Variants in BDKRB1 observed in about 807,000 individuals in gnomAD.
The protein encoded by BDKRB1 is bradykinin receptor B1, also known as B1 bradykinin receptor.
For synonymous variants in BDKRB1, 192 were observed against 189.1 expected (o/e 1.02, Z -0.13); for missense variants, 414 against 441.4 (o/e 0.94, Z 0.56).
chr14:96,257,565 G>A (rs1885644663), intron 1 of BDKRB1, among the ~76,000 whole-genome samples: 1 of 152,092 alleles, frequency 6.6e-6, no homozygotes, highest in African/African-American at 2.4e-5. Flanking sequence ...AACCATATCA[G>A]TGCTCAACAC....
At chr14:96,257,582 A>G (rs1467567641) in intron 1 of BDKRB1, among the ~76,000 whole-genome samples, 4 of 152,088 alleles carry the variant, frequency 2.6e-5, no homozygotes, top group African/African-American at 7.2e-5. Flanking sequence ...ACACCCTCCC[A>G]TCTCTTCTCA....
Position 96,264,605 on chromosome 14 carries a change from A to T in BDKRB1, c.923A>T (p.Asn308Ile). The T allele has an allele frequency of 6.2e-7, 1 of 1,614,194 alleles. No individual in the cohort carries two copies. The highest frequency in any genetic ancestry group is 1.1e-5 in the South Asian group (1 of 91,076). Residue 308 changes from asparagine to isoleucine, a missense_variant, in exon 3 of 3, where the codon AAT becomes ATT. By Grantham distance (149) the Asn-to-Ile change is moderately radical (BLOSUM62 -3). Coordinates refer to ENST00000216629, the MANE Select transcript of BDKRB1 (RefSeq NM_000710.4). ...NFFAFTNSSL[N>I]PVIYVFVGRL... ...TTTGCCTTCACTAACAGCTCCCTGA[A>T]TCCAGTAATTTATGTCTTTGTGGGC... is the stretch of plus-strand genomic sequence containing the variant.
Position 96,264,060 on chromosome 14 carries a change from C to T in BDKRB1, c.378C>T (p.Phe126=). The T allele has an allele frequency of 6.2e-7, 1 of 1,612,552 alleles. No homozygotes were observed. Among genetic ancestry groups the T allele is most frequent in the Non-Finnish European group, 8.5e-7 (1 of 1,179,208 alleles). ...VIKANLFISI[F]LVVAISQDRY... ...AGGCCAATTTGTTCATCAGCATCTT[C>T]CTGGTGGTGGCCATCAGCCAGGACC... Residue 126 remains phenylalanine, a synonymous_variant, in exon 3 of 3, where the codon TTC becomes TTT. Transcript: ENST00000216629.
rs750696339 is a variant in BDKRB1 at position 96,264,428 on chromosome 14, C to G, written c.746C>G (p.Thr249Arg). 4.3e-6 allele frequency: 7 copies of G among 1,614,228 alleles called. No individual in the cohort carries two copies. The highest frequency in any genetic ancestry group is 4.2e-6 in the Non-Finnish European group (5 of 1,180,044). ...RCGGRKDSKT[T>R]ALILTLVVAF... ...GGGGGCCGCAAGGATAGCAAGACCACAGCGCTGATCCTCACGCTCGTGGTT... is the reference window on the plus strand; with the variant it reads ...GGGGGCCGCAAGGATAGCAAGACCAGAGCGCTGATCCTCACGCTCGTGGTT... Residue 249 changes from threonine to arginine, a missense_variant, in exon 3 of 3, where the codon ACA becomes AGA. Coordinates refer to ENST00000216629, the MANE Select transcript of BDKRB1 (RefSeq NM_000710.4).
In BDKRB1 at chr14:96,263,812, A is replaced by G. The variant is rs1465107715; in HGVS notation, c.130A>G (p.Ile44Val). Reference protein sequence around the residue: ...DLLHRVLPTFIISICFFGLLG... With the variant: ...DLLHRVLPTFVISICFFGLLG... ...GCTGCACAGAGTGCTGCCAACATTT[A>G]TCATCTCCATCTGTTTCTTCGGCCT... Residue 44 changes from isoleucine (I) to valine (V), a missense_variant, in exon 3 of 3, where the codon ATC becomes GTC. Transcript: ENST00000216629. 12 of 1,614,080 alleles carry G rather than the reference A, an allele frequency of 7.4e-6. No homozygotes were observed. The highest frequency in any genetic ancestry group is 1.6e-4 in the Middle Eastern group (1 of 6,084).
At chr14:96,260,014 C>A (rs372525771) in intron 1 of BDKRB1, 14 of 145,432 alleles carry the variant, frequency 9.6e-5, no homozygotes, top group Middle Eastern at 3.4e-3. Flanking sequence ...AGAACCGTGT[C>A]TTAGGGTGCA....
chr14:96,258,827 C>A (rs7159218), intron 1 of BDKRB1, among the ~76,000 whole-genome samples: 1 of 151,798 alleles, frequency 6.6e-6, no homozygotes, highest in South Asian at 2.1e-4. Context: ...CCAGCCCACA[C>A]GTATTTTTTT....
At chr14:96,260,991 C>G (rs1311605712) in intron 1 of BDKRB1, among the ~76,000 whole-genome samples, 1 of 151,962 alleles carries the variant, frequency 6.6e-6, no homozygotes, top group East Asian at 1.9e-4. Flanking sequence ...CCACCCCCCA[C>G]AAAAAAAACT....
At position 96,264,426 on chromosome 14, in the gene BDKRB1, C is replaced by G. The variant is rs757606075; in HGVS notation, c.744C>G (p.Thr248=). ...TRCGGRKDSK[T]TALILTLVVA... ...GCGGGGGCCGCAAGGATAGCAAGAC[C>G]ACAGCGCTGATCCTCACGCTCGTGG... Residue 248 remains threonine, a synonymous_variant, in exon 3 of 3, where the codon ACC becomes ACG. Coordinates refer to ENST00000216629, the MANE Select transcript of BDKRB1 (RefSeq NM_000710.4). 5 of 1,614,084 alleles carry G rather than the reference C, an allele frequency of 3.1e-6. No homozygotes were observed. The highest frequency in any genetic ancestry group is 4.2e-6 in the Non-Finnish European group (5 of 1,180,044).
chr14:96,256,340 T>C (rs1885617423), intron 1 of BDKRB1, 40 bp downstream of exon 1: 1 of 151,748 alleles, frequency 6.6e-6, no homozygotes, highest in Admixed American at 6.6e-5. Context: ...TTTATGAGAG[T>C]ACAATATGAG....
At chr14:96,261,833 T>G (rs1005552918) in intron 1 of BDKRB1, among the ~76,000 whole-genome samples, 1 of 152,246 alleles carries the variant, frequency 6.6e-6, no homozygotes, top group Non-Finnish European at 1.5e-5. Context: ...GATAGTATTC[T>G]GTGGATCCCT....
intron 1 of BDKRB1, among the ~76,000 whole-genome samples, chr14:96,257,219 G>A (rs375522190): frequency 1.1e-4 from 16 of 152,154 alleles, no homozygotes; most frequent in African/African-American, 2.7e-4. Flanking sequence ...GGATGGGGGC[G>A]GTGTCCACTG....
rs145455564 is a variant in BDKRB1 at position 96,262,589 on chromosome 14, TTC to T, written c.-129-48_-129-47del. The T allele has an allele frequency of 1.4e-4, 56 of 401,542 alleles. 1 individual carries two copies. The highest frequency in any genetic ancestry group is 1.7e-3 in the Middle Eastern group (2 of 1,182). 24.9% of individuals were successfully genotyped at this position (401,542 alleles called of 1,614,324 possible). ...CATGCTTTCCTTTCTCTTTTTTCTT[TTC>T]TCTCTCTCTCTCTCCTTTTTTTTTT... On this transcript the variant is annotated intron_variant, in intron 1 of 2. Transcript: ENST00000216629.
chr14:96,261,605 CTG>C (rs1415445660), intron 1 of BDKRB1, among the ~76,000 whole-genome samples: 1 of 152,214 alleles, frequency 6.6e-6, no homozygotes, highest in Non-Finnish European at 1.5e-5. Context: ...TTGTTGGTAT[CTG>C]TGAGGCTTTG....
chr14:96,260,154 G>T (rs907233865), intron 1 of BDKRB1, among the ~76,000 whole-genome samples: 6 of 151,852 alleles, frequency 4.0e-5, no homozygotes. Flanking sequence ...CTCCCAAGTA[G>T]CTGGAATTAC....
At position 96,262,787 on chromosome 14, in the gene BDKRB1, C is replaced by G. The variant is rs1425121907; in HGVS notation, c.-11+17C>G. ...GGACCACAGGTATGCACCACCATGCCCAGCTAATTTTTGTATTTTTTGTAA... is the reference window on the plus strand; with the variant it reads ...GGACCACAGGTATGCACCACCATGCGCAGCTAATTTTTGTATTTTTTGTAA... On this transcript the variant is annotated intron_variant, in intron 2 of 2. Transcript: ENST00000216629. The G allele has an allele frequency of 2.6e-6, 1 of 386,384 alleles. No individual in the cohort carries two copies. The highest frequency in any genetic ancestry group is 5.0e-6 in the Non-Finnish European group (1 of 199,808). 23.9% of individuals were successfully genotyped at this position (386,384 alleles called of 1,614,324 possible). A position where few individuals can be genotyped will look rare whatever the true frequency, so the allele number is the denominator to read the frequency against.
chr14:96,261,934 G>A (rs1885759631), intron 1 of BDKRB1, among the ~76,000 whole-genome samples: 1 of 152,258 alleles, frequency 6.6e-6, no homozygotes, highest in South Asian at 2.1e-4. Flanking sequence ...AGAGGGCTGG[G>A]AGATGCAGTC....
chr14:96,263,681 G>T lies in BDKRB1; in HGVS notation c.-2G>T, dbSNP rs886632520. 7 of 1,611,380 alleles carry T rather than the reference G, an allele frequency of 4.3e-6. No individual in the cohort carries two copies. The highest frequency in any genetic ancestry group is 5.9e-6 in the Non-Finnish European group (7 of 1,178,914). On this transcript the variant is annotated 5_prime_UTR_variant, in exon 3 of 3. Transcript: ENST00000216629. ...CCTTCTGTTCATTTCAGGTCACTGT[G>T]CATGGCATCATCCTGGCCCCCTCTA... is the stretch of plus-strand genomic sequence containing the variant.
Position 96,264,143 on chromosome 14 carries a change from C to T in BDKRB1, c.461C>T (p.Ala154Val). The change falls in exon 3 of 3, where the codon GCC becomes GTC. Residue 154 changes from alanine (A) to valine (V), a missense_variant. By Grantham distance (64) the Ala-to-Val change is moderately conservative. Coordinates refer to ENST00000216629, the MANE Select transcript of BDKRB1 (RefSeq NM_000710.4). ...ASRRQQRRRQ[A>V]RVTCVLIWVV... ...CGGAGGCAGCAGCGGCGGAGGCAGG[C>T]CCGGGTCACCTGCGTGCTCATCTGG... 1 of 1,596,760 alleles carries T rather than the reference C, an allele frequency of 6.3e-7. No homozygotes were observed. The highest frequency in any genetic ancestry group is 8.5e-7 in the Non-Finnish European group (1 of 1,170,908).
Sources: gnomAD v4.1 joint callset for allele counts (sites outside exome capture counted in the v4.1 genomes callset) on GRCh38, gnomAD v4.1.1 for gene constraint, MANE v1.5 for transcripts, NCBI Gene and HGNC (gene_info 2026-07-23, HGNC 2026-07-21) for gene names.